The following MX2 variants were observed in gnomAD, a reference collection of about 807,000 sequenced individuals.
The protein encoded by MX2 is MX dynamin like GTPase 2.
MX2 carries 51 observed loss-of-function variants against 74.0 expected under a neutral mutation model. The ratio of observed to expected loss-of-function variants is 0.69; its 90% CI spans 0.55 to 0.87. MX2 has a LOEUF of 0.87. Ranked by LOEUF, MX2 falls within the 40% of genes least tolerant of loss-of-function variation. The pLI is 0.00. For synonymous variants in MX2, 369 were observed against 339.3 expected, an observed-to-expected ratio of 1.09 and a Z score of -0.96; for missense variants, 832 against 908.7, an observed-to-expected ratio of 0.92 and a Z score of 1.09.
intron 5 of MX2, among the ~76,000 whole-genome samples, chr21:41,384,642 C>A (rs1031084024): frequency 6.6e-6 from 1 of 152,056 alleles, no homozygotes; most frequent in Non-Finnish European, 1.5e-5. Context: ...CAAGCCTTGA[C>A]CTGGTGACCA....
In MX2 at chr21:41,376,984, GA is replaced by G; in HGVS notation, c.80del (p.Asn27IlefsTer17). The G allele has an allele frequency of 6.2e-7, 1 of 1,614,112 alleles. No homozygotes were observed. Among genetic ancestry groups the G allele is most frequent in the South Asian group, 1.1e-5 (1 of 91,084 alleles). On this transcript the variant is annotated frameshift_variant, in exon 2 of 14. Transcript: ENST00000330714. LOFTEE classifies it high-confidence loss of function. ...CTCGAAAATACCTGAAAAAAGAAAT[GA>G]ATTCCTTCCAGCAACAGCCACCGCC... ...SSRKYLKKEM[N>X]SFQQQPPPFG...
intron 1 of MX2, among the ~76,000 whole-genome samples, chr21:41,367,600 A>T (rs982631751): frequency 6.6e-6 from 1 of 152,158 alleles, no homozygotes; most frequent in Non-Finnish European, 1.5e-5. Context: ...ATCCTCTAAG[A>T]AAAAAGGATC....
In MX2 at chr21:41,380,783, C is replaced by T. The variant is rs969407209; in HGVS notation, c.577+632C>T. On this transcript the variant is annotated intron_variant, in intron 4 of 13. Transcript: ENST00000330714. This position sits in a 1 kb window ranked among gnomAD's most constrained non-coding sequence, Gnocchi z 4.3. Reference sequence around the variant, plus strand: ...GCTCCTGGAGTCCACACCCTTCTCCCCCGAGGGGCCCTAGTGGTTACGTCC... The same window carrying T: ...GCTCCTGGAGTCCACACCCTTCTCCTCCGAGGGGCCCTAGTGGTTACGTCC... Among the ~76,000 whole-genome samples the T allele has an allele frequency of 5.9e-5, 9 of 152,218 alleles. No individual in the cohort carries two copies. Among genetic ancestry groups the T allele is most frequent in the Admixed American group, 5.9e-4 (9 of 15,284 alleles).
chr21:41,391,540 G>C (rs79646677), intron 6 of MX2, among the ~76,000 whole-genome samples: 2,315 of 151,886 alleles, frequency 0.015, 55 homozygotes, highest in African/African-American at 0.053. Flanking sequence ...ATGCCATCAC[G>C]CCTGGCTAAT....
rs781207189 is a variant in MX2 at position 41,408,285 on chromosome 21, G to T, written c.*52G>T. 1 of 1,596,318 alleles carries T rather than the reference G, an allele frequency of 6.3e-7. No homozygotes were observed. The highest frequency in any genetic ancestry group is 8.5e-7 in the Non-Finnish European group (1 of 1,170,836). On this transcript the variant is annotated 3_prime_UTR_variant, in exon 14 of 14. Coordinates refer to ENST00000330714, the MANE Select transcript of MX2 (RefSeq NM_002463.2). ...CTTGTGCGTACTCATTCATTCTAAG[G>T]GGAGTCGGTGCAGGATGCCGCTTCT...
chr21:41,390,352 C>T (rs886950079), intron 5 of MX2: 3 of 568,406 alleles, frequency 5.3e-6, no homozygotes, highest in South Asian at 2.0e-5. Flanking sequence ...ACATGCCAGC[C>T]GTGGGCTTTG....
intron 1 of MX2, chr21:41,364,163 C>T (rs2089242440): frequency 6.5e-6 from 1 of 152,924 alleles, no homozygotes; most frequent in African/African-American, 2.4e-5. Context: ...GACTCCCTCA[C>T]CTCAGTGCTG....
At chr21:41,365,497 TA>T (rs2089257708) in intron 1 of MX2, 1 of 152,230 alleles carries the variant, frequency 6.6e-6, no homozygotes, top group African/African-American at 2.4e-5. Context: ...TTTCTGTTAC[TA>T]GATTAGTTTG....
intron 6 of MX2, among the ~76,000 whole-genome samples, chr21:41,393,036 G>A (rs971706093): frequency 7.2e-6 from 1 of 139,538 alleles, no homozygotes; most frequent in East Asian, 2.3e-4. Context: ...AACCTGAGAC[G>A]AAGTTTGCAG....
chr21:41,406,175 A>G (rs928307315), intron 12 of MX2, among the ~76,000 whole-genome samples: 2 of 151,720 alleles, frequency 1.3e-5, no homozygotes, highest in African/African-American at 4.8e-5. Context: ...TTTAGTAGAG[A>G]TGAGGTTTCA....
chr21:41,405,162 T>C lies in MX2; in HGVS notation c.1651-1582T>C, dbSNP rs542667184. On this transcript the variant is annotated intron_variant, in intron 12 of 13. Coordinates refer to ENST00000330714, the MANE Select transcript of MX2 (RefSeq NM_002463.2). Reference sequence around the variant, plus strand: ...TTGTCTCTACTAAAAATACAAAAATTAGCCAGAAATCACTTGAACCTGGGA... The same window carrying C: ...TTGTCTCTACTAAAAATACAAAAATCAGCCAGAAATCACTTGAACCTGGGA... Among the ~76,000 whole-genome samples the C allele has an allele frequency of 8.6e-5, 13 of 151,406 alleles. No homozygotes were observed. In the South Asian group the frequency reaches 2.5e-3, roughly 29 times the overall value.
intron 1 of MX2, among the ~76,000 whole-genome samples, chr21:41,362,424 G>A (rs748510224): frequency 3.3e-5 from 5 of 152,118 alleles, no homozygotes; most frequent in South Asian, 2.1e-4. Context: ...CCGAAAAGTC[G>A]TCTCGGAGGG....
At chr21:41,403,086 G>A (rs2145967010) in intron 11 of MX2, 181 bp from the exon 12 acceptor site, 3 of 570,582 alleles carry the variant, frequency 5.3e-6, no homozygotes, top group South Asian at 4.0e-5. Context: ...GGGCTGGATT[G>A]TGTGGCCCTG....
chr21:41,400,710 T>C (rs930655011), intron 10 of MX2, among the ~76,000 whole-genome samples: 7 of 152,036 alleles, frequency 4.6e-5, no homozygotes, highest in Non-Finnish European at 1.0e-4. Flanking sequence ...ACACTTTATT[T>C]ATTTATTTAT....
Position 41,388,447 on chromosome 21 carries a change from G to A in MX2, c.733-2118G>A, listed in dbSNP as rs998689662. Reference sequence around the variant, plus strand: ...CCGCAGAGGGCATCCTTCATTCCTCGCGGGTTTCTGCTGCAAGGCTGCCCT... The same window carrying A: ...CCGCAGAGGGCATCCTTCATTCCTCACGGGTTTCTGCTGCAAGGCTGCCCT... On this transcript the variant is annotated intron_variant, in intron 5 of 13. Coordinates refer to ENST00000330714, the MANE Select transcript of MX2 (RefSeq NM_002463.2). This position sits in a 1 kb window ranked among gnomAD's most constrained non-coding sequence, Gnocchi z 4.0. Among the ~76,000 whole-genome samples the A allele has an allele frequency of 2.0e-5, 3 of 152,110 alleles. No individual in the cohort carries two copies. Among genetic ancestry groups the A allele is most frequent in the South Asian group, 2.1e-4 (1 of 4,830 alleles).
At chr21:41,382,936 A>G (rs1176052174) in intron 5 of MX2, among the ~76,000 whole-genome samples, 1 of 152,242 alleles carries the variant, frequency 6.6e-6, no homozygotes, top group Admixed American at 6.5e-5. Context: ...TGAATGTTAC[A>G]TAAGTCATAA....
At chr21:41,365,523 CTCCAGT>C (rs2089257916) in intron 1 of MX2, 1 of 152,074 alleles carries the variant, frequency 6.6e-6, no homozygotes, top group South Asian at 2.1e-4. Context: ...GGATTATGGC[CTCCAGT>C]TCCATCCATG....
chr21:41,390,704 G>A lies in MX2; in HGVS notation c.871+1G>A. On this transcript the variant is annotated splice_donor_variant, in intron 6 of 13. Coordinates refer to ENST00000330714, the MANE Select transcript of MX2 (RefSeq NM_002463.2). LOFTEE classifies it high-confidence loss of function. ...GACCCGGAAGGGGACAGGACCATCG[G>A]TAAGAGGAAAGAACCAAGTGGCCGG... 6.2e-7 allele frequency: 1 copy of A among 1,613,870 alleles called. No homozygotes were observed. Among genetic ancestry groups the A allele is most frequent in the African/African-American group, 1.3e-5 (1 of 75,030 alleles).
In MX2 at chr21:41,398,979, T is replaced by C. The variant is rs2089773254; in HGVS notation, c.1232T>C (p.Ile411Thr). The C allele has an allele frequency of 6.2e-7, 1 of 1,613,714 alleles. No individual in the cohort carries two copies. The highest frequency in any genetic ancestry group is 8.5e-7 in the Non-Finnish European group (1 of 1,179,828). Residue 411 changes from isoleucine (I) to threonine (T), a missense_variant, in exon 9 of 14, where the codon ATC becomes ACC. Ile to Thr is a moderately conservative substitution (Grantham distance 89). Transcript: ENST00000330714. Reference sequence around the variant, plus strand: ...GAGCTGCGGCGTTGCGGGGCTGACATCCCCAGCCAGGAGGCCGACAAGATG... The same window carrying C: ...GAGCTGCGGCGTTGCGGGGCTGACACCCCCAGCCAGGAGGCCGACAAGATG... ...TEELRRCGAD[I>T]PSQEADKMFF...
Sources: allele counts gnomAD v4.1 joint callset (sites outside exome capture counted in the v4.1 genomes callset), GRCh38; gene constraint gnomAD v4.1.1; non-coding constraint Gnocchi (gnomAD v3.1); transcripts MANE v1.5; gene names NCBI Gene and HGNC (gene_info 2026-07-23, HGNC 2026-07-21).